Variants in TSHZ2 observed in about 807,000 individuals in gnomAD.
TSHZ2 encodes the protein teashirt homolog 2.
Under a neutral mutation model 74.4 loss-of-function variants are expected in TSHZ2, and 21 were observed. That is an observed-to-expected ratio of 0.28 (90% CI 0.20 to 0.41). The LOEUF is 0.41. Among genes scored for constraint, TSHZ2 ranks in the 10% least tolerant of loss-of-function variants. TSHZ2 has a pLI of 1.00. For missense variants in TSHZ2, 1,244 were observed against 1,293.5 expected, an observed-to-expected ratio of 0.96 and a Z score of 0.59; for synonymous variants, 540 against 515.3, an observed-to-expected ratio of 1.05 and a Z score of -0.65.
intron 2 of TSHZ2, among the ~76,000 whole-genome samples, chr20:53,285,711 C>T (rs1168048641): frequency 1.6e-5 from 2 of 126,144 alleles, no homozygotes; most frequent in Non-Finnish European, 3.3e-5. Flanking sequence ...ACTCCGTCTC[C>T]ATCTCAAGAG....
chr20:53,154,091 AACAG>A (rs1441697583), intron 1 of TSHZ2, among the ~76,000 whole-genome samples: 2 of 152,240 alleles, frequency 1.3e-5, no homozygotes, highest in Non-Finnish European at 2.9e-5. Flanking sequence ...GCTATCTTTT[AACAG>A]ACAGAGCTTC....
At chr20:53,288,221 T>G (rs1043180608) in intron 2 of TSHZ2, among the ~76,000 whole-genome samples, 7 of 152,058 alleles carry the variant, frequency 4.6e-5, no homozygotes, top group Non-Finnish European at 1.0e-4. Flanking sequence ...CTAGCTAACA[T>G]GGTAAAACCC....
chr20:53,361,250 T>C (rs1981040643), intron 2 of TSHZ2, among the ~76,000 whole-genome samples: 1 of 152,246 alleles, frequency 6.6e-6, no homozygotes, highest in South Asian at 2.1e-4. Context: ...ATTTAGATGC[T>C]GGGTCAAGAA....
chr20:53,464,062 T>C (rs529121125), intron 2 of TSHZ2, among the ~76,000 whole-genome samples: 1 of 152,248 alleles, frequency 6.6e-6, no homozygotes, highest in East Asian at 1.9e-4. Context: ...ACCCTTTACT[T>C]TCATTCTGAT....
At chr20:53,339,711 T>C (rs200609) in intron 2 of TSHZ2, among the ~76,000 whole-genome samples, 90,740 of 152,018 alleles carry the variant, frequency 0.6, 28,658 homozygotes, top group African/African-American at 0.79. Context: ...TCTGCTGAGA[T>C]GCTCCTCTCA....
chr20:52,978,642 C>T (rs1981441161), intron 1 of TSHZ2, among the ~76,000 whole-genome samples: 2 of 152,066 alleles, frequency 1.3e-5, no homozygotes, highest in Admixed American at 1.3e-4. Context: ...GCATCGCTTC[C>T]CTGAAGCAGT....
chr20:53,169,482 G>C (rs1204135164), intron 1 of TSHZ2, among the ~76,000 whole-genome samples: 1 of 152,120 alleles, frequency 6.6e-6, no homozygotes, highest in East Asian at 1.9e-4. Flanking sequence ...CATTGTCCTA[G>C]GATCAAGTCC....
intron 1 of TSHZ2, among the ~76,000 whole-genome samples, chr20:53,023,646 TGAGTTATC>T (rs1205469158): frequency 1.3e-4 from 20 of 150,976 alleles, no homozygotes; most frequent in African/African-American, 4.4e-4. Flanking sequence ...TTGTTTTTTA[TGAGTTATC>T]AAGTTATCAT....
chr20:53,369,385 GT>G (rs536004795), intron 2 of TSHZ2, among the ~76,000 whole-genome samples: 2 of 152,060 alleles, frequency 1.3e-5, no homozygotes, highest in Non-Finnish European at 2.9e-5. Context: ...GGGGAAGAAT[GT>G]TACAGGGAAA....
At chr20:53,471,138 G>T (rs1042762930) in intron 2 of TSHZ2, among the ~76,000 whole-genome samples, 2 of 152,164 alleles carry the variant, frequency 1.3e-5, no homozygotes, top group African/African-American at 4.8e-5. Flanking sequence ...GTTTCCTTGG[G>T]CTATTTTTCC....
intron 1 of TSHZ2, among the ~76,000 whole-genome samples, chr20:53,159,994 G>A (rs1987890567): frequency 1.3e-5 from 2 of 152,280 alleles, no homozygotes; most frequent in African/African-American, 4.8e-5. Flanking sequence ...TTGTGTTTGA[G>A]GTAGGAGCTG....
intron 1 of TSHZ2, among the ~76,000 whole-genome samples, chr20:53,067,672 C>T (rs1380764516): frequency 6.6e-6 from 1 of 152,208 alleles, no homozygotes; most frequent in Non-Finnish European, 1.5e-5. Context: ...GGTGTTCATT[C>T]TGCAGACAAA....
intron 2 of TSHZ2, among the ~76,000 whole-genome samples, chr20:53,449,271 C>T (rs1421561503): frequency 6.6e-6 from 1 of 152,206 alleles, no homozygotes; most frequent in East Asian, 1.9e-4. Context: ...ATTCTCTTCT[C>T]CTTTCCAAAG....
In TSHZ2 at chr20:53,268,422, C is replaced by T. The variant is rs113582210; in HGVS notation, c.*8+11851C>T. Among the ~76,000 whole-genome samples, 869 of 152,076 alleles carry T rather than the reference C, an allele frequency of 5.7e-3. 11 individuals carry two copies. The highest frequency in any genetic ancestry group is 0.019 in the African/African-American group (796 of 41,494). On this transcript the variant is annotated intron_variant, in intron 2 of 2. Coordinates refer to ENST00000371497, the MANE Select transcript of TSHZ2 (RefSeq NM_173485.6). ...AGACATGGGCCGAGACATGGCAATACGAGGGAAGAACTCAAGCAGGAGGAG... is the reference window on the plus strand; with the variant it reads ...AGACATGGGCCGAGACATGGCAATATGAGGGAAGAACTCAAGCAGGAGGAG...
chr20:53,453,853 G>T (rs757980885), intron 2 of TSHZ2, among the ~76,000 whole-genome samples: 20 of 152,280 alleles, frequency 1.3e-4, no homozygotes, highest in Non-Finnish European at 2.8e-4. Flanking sequence ...ACATGTTTGG[G>T]ACTATTCCTG....
chr20:53,049,212 C>T (rs897645870), intron 1 of TSHZ2, among the ~76,000 whole-genome samples: 1 of 152,046 alleles, frequency 6.6e-6, no homozygotes, highest in African/African-American at 2.4e-5. Context: ...CAAAGAGGGG[C>T]CCCTAATCCC....
intron 2 of TSHZ2, among the ~76,000 whole-genome samples, chr20:53,384,080 G>A (rs1010879254): frequency 6.6e-6 from 1 of 152,124 alleles, no homozygotes. Flanking sequence ...TGGTGCCCAG[G>A]GAAGGCCCCC....
chr20:53,246,248 G>T (rs1192397738), intron 1 of TSHZ2, among the ~76,000 whole-genome samples: 4 of 151,804 alleles, frequency 2.6e-5, no homozygotes, highest in African/African-American at 9.7e-5. Context: ...TCACCATGTT[G>T]GCCAGGCTGG....
At chr20:53,081,976 C>T (rs1985551333) in intron 1 of TSHZ2, among the ~76,000 whole-genome samples, 2 of 151,954 alleles carry the variant, frequency 1.3e-5, no homozygotes, top group South Asian at 2.1e-4. Flanking sequence ...TTCTTATTCC[C>T]ATTCCACAAA....
Sources: allele counts gnomAD v4.1 joint callset (sites outside exome capture counted in the v4.1 genomes callset), GRCh38; gene constraint gnomAD v4.1.1; transcripts MANE v1.5; gene names NCBI Gene and HGNC (gene_info 2026-07-23, HGNC 2026-07-21).